PTPRN2: variants seen among roughly 807,000 people sequenced by gnomAD.
PTPRN2 encodes the protein receptor-type tyrosine-protein phosphatase N2.
PTPRN2 carries 74 observed loss-of-function variants against 118.8 expected under a neutral mutation model. That is an observed-to-expected ratio of 0.62 (90% CI 0.52 to 0.76). The LOEUF (loss-of-function observed/expected upper bound fraction) is 0.76, where lower values mean the gene tolerates loss of function less well. Ranked by LOEUF, PTPRN2 falls within the 30% of genes least tolerant of loss-of-function variation. The pLI is 0.00. For missense variants in PTPRN2, 1,481 were observed against 1,394.4 expected (o/e 1.06, Z -0.99); for synonymous variants, 641 against 608.0 (o/e 1.05, Z -0.80).
intron 13 of PTPRN2, among the ~76,000 whole-genome samples, chr7:157,663,200 G>A (rs1004183485): frequency 2.6e-5 from 4 of 152,252 alleles, no homozygotes; most frequent in Non-Finnish European, 5.9e-5. Flanking sequence ...CGGCAGGGGT[G>A]GCAAGGGGCG....
At chr7:157,772,290 A>AACACACAGACAT (rs150741232) in intron 12 of PTPRN2, among the ~76,000 whole-genome samples, 1 of 121,416 alleles carries the variant, frequency 8.2e-6, no homozygotes, top group African/African-American at 2.9e-5. Context: ...CAGACACACA[A>AACACACAGACAT]ACACACAGAC....
At chr7:158,329,925 C>T (rs140261594) in intron 2 of PTPRN2, among the ~76,000 whole-genome samples, 38 of 152,170 alleles carry the variant, frequency 2.5e-4, no homozygotes, top group Non-Finnish European at 4.9e-4. Context: ...GCAGAGTGTC[C>T]TATTCTGCAA....
chr7:158,481,056 CT>C (rs1820608649), intron 2 of PTPRN2, among the ~76,000 whole-genome samples: 1 of 152,250 alleles, frequency 6.6e-6, no homozygotes, highest in Non-Finnish European at 1.5e-5. Context: ...CCATCTAGGA[CT>C]TCCATAGCTA....
chr7:157,785,489 C>T lies in PTPRN2; in HGVS notation c.1789-102552G>A, dbSNP rs146253669. Among the ~76,000 whole-genome samples the T allele has an allele frequency of 7.4e-3, 1,129 of 152,316 alleles. 14 individuals carry two copies. The highest frequency in any genetic ancestry group is 0.026 in the African/African-American group (1,072 of 41,574). ...CCACTCCCAGACTAGAGCCAGCACT[C>T]GCGGGCAGGCCTCCCCAGGACCAGA... On this transcript the variant is annotated intron_variant, in intron 12 of 22. Transcript: ENST00000389418. This position sits in a 1 kb window ranked among gnomAD's most constrained non-coding sequence, Gnocchi z 7.3.
At chr7:158,468,846 C>T (rs1442419320) in intron 2 of PTPRN2, among the ~76,000 whole-genome samples, 1 of 151,834 alleles carries the variant, frequency 6.6e-6, no homozygotes, top group African/African-American at 2.4e-5. Context: ...TGCACACCCA[C>T]ACACTCCCAA....
At chr7:158,019,323 T>A (rs574507141) in intron 11 of PTPRN2, among the ~76,000 whole-genome samples, 31 of 152,384 alleles carry the variant, frequency 2.0e-4, no homozygotes, top group Middle Eastern at 3.4e-3. Flanking sequence ...ATATGCTAAA[T>A]CAATCGGCAT....
rs1441943084 is a variant in PTPRN2 at position 157,611,531 on chromosome 7, C to T, written c.2345-7456G>A. 6.6e-6 allele frequency among the ~76,000 whole-genome samples: 1 copy of T among 152,096 alleles called. No homozygotes were observed. The highest frequency in any genetic ancestry group is 1.9e-4 in the East Asian group (1 of 5,190). ...CAGGGTTGAGCTGCGTACCCTCCCC[C>T]AAAAAGACACACTGGAGTCCCAGCC... On this transcript the variant is annotated intron_variant, in intron 15 of 22. Transcript: ENST00000389418. This position sits in a 1 kb window ranked among gnomAD's most constrained non-coding sequence, Gnocchi z 5.9.
intron 12 of PTPRN2, among the ~76,000 whole-genome samples, chr7:157,768,151 TA>T (rs1341038763): frequency 6.6e-6 from 1 of 152,112 alleles, no homozygotes; most frequent in Non-Finnish European, 1.5e-5. Context: ...ACAAAATCAA[TA>T]AAAAAAGATT....
chr7:158,494,537 T>C (rs970019193), intron 1 of PTPRN2, among the ~76,000 whole-genome samples: 4 of 152,208 alleles, frequency 2.6e-5, no homozygotes, highest in Non-Finnish European at 5.9e-5. Flanking sequence ...CGGCACCTGT[T>C]GCCTCCAAGC....
chr7:157,989,188 C>T (rs1804049464), intron 11 of PTPRN2, among the ~76,000 whole-genome samples: 1 of 152,196 alleles, frequency 6.6e-6, no homozygotes, highest in African/African-American at 2.4e-5. Context: ...GAGGCTGAGG[C>T]AGGCAGATCA....
chr7:158,541,437 T>G (rs763472093), intron 1 of PTPRN2: 1 of 1,350,658 alleles, frequency 7.4e-7, no homozygotes, highest in East Asian at 4.5e-5. Flanking sequence ...TGCCCACATC[T>G]GCACCAGACA....
chr7:157,592,721 C>G (rs1320727630), intron 17 of PTPRN2, among the ~76,000 whole-genome samples: 1 of 147,782 alleles, frequency 6.8e-6, no homozygotes, highest in Non-Finnish European at 1.5e-5. Context: ...GCATGGATGC[C>G]GAGAGGCTTC....
At chr7:158,489,832 G>A (rs565281841) in intron 1 of PTPRN2, 47 bp from the exon 2 acceptor site, 313 of 1,534,086 alleles carry the variant, frequency 2.0e-4, no homozygotes, top group Non-Finnish European at 2.7e-4. Context: ...GGGGAGGAGG[G>A]GGGTGCCCCC....
chr7:157,989,744 T>C (rs920024), intron 11 of PTPRN2, among the ~76,000 whole-genome samples: 127,809 of 152,072 alleles, frequency 0.84, 53,913 homozygotes, highest in African/African-American at 0.9. Flanking sequence ...ATCCTTGTCA[T>C]GTCCACCCCA....
chr7:158,032,881 C>A (rs1807791829), intron 11 of PTPRN2, among the ~76,000 whole-genome samples: 1 of 152,160 alleles, frequency 6.6e-6, no homozygotes, highest in Non-Finnish European at 1.5e-5. Context: ...CTGCACCACG[C>A]TGGGAGAGAT....
intron 14 of PTPRN2, 86 bp downstream of exon 14, chr7:157,656,271 A>G: frequency 7.4e-7 from 1 of 1,359,836 alleles, no homozygotes; most frequent in Non-Finnish European, 1.0e-6. Context: ...CCCGAGGGTC[A>G]GCGGGCGCAG....
At chr7:157,645,951 G>A (rs962625088) in intron 14 of PTPRN2, among the ~76,000 whole-genome samples, 2 of 152,216 alleles carry the variant, frequency 1.3e-5, no homozygotes, top group Non-Finnish European at 1.5e-5. Context: ...TCACTGTAAA[G>A]CTGCTTTTGA....
At chr7:157,628,514 T>C (rs1238938759) in intron 14 of PTPRN2, among the ~76,000 whole-genome samples, 1 of 152,248 alleles carries the variant, frequency 6.6e-6, no homozygotes, top group Non-Finnish European at 1.5e-5. Flanking sequence ...ATAGAGTTCT[T>C]AACAGTCTTA....
At chr7:157,962,089 GTGAAAGTATTTTA>G (rs1801582822) in intron 11 of PTPRN2, among the ~76,000 whole-genome samples, 1 of 152,264 alleles carries the variant, frequency 6.6e-6, no homozygotes, top group East Asian at 1.9e-4. Context: ...AACACAGGAT[GTGAAAGTATTTTA>G]TGAAACAGTT....
Sources: allele counts gnomAD v4.1 joint callset (sites outside exome capture counted in the v4.1 genomes callset), GRCh38; gene constraint gnomAD v4.1.1; non-coding constraint Gnocchi (gnomAD v3.1); transcripts MANE v1.5; gene names NCBI Gene and HGNC (gene_info 2026-07-23, HGNC 2026-07-21).